Variants in POTEH observed in about 807,000 individuals in gnomAD.
POTEH encodes POTE ankyrin domain family member H.
Under a neutral mutation model 41.7 loss-of-function variants are expected in POTEH, and 6 were observed. The ratio of observed to expected loss-of-function variants is 0.14; its 90% CI spans 0.08 to 0.28. The LOEUF (loss-of-function observed/expected upper bound fraction) is 0.28, where lower values mean the gene tolerates loss of function less well. Among genes scored for constraint, POTEH ranks in the 10% least tolerant of loss-of-function variants. POTEH has a pLI of 1.00. For synonymous variants in POTEH, 38 were observed against 179.9 expected, an observed-to-expected ratio of 0.21 and a Z score of 6.31; for missense variants, 115 against 533.5, an observed-to-expected ratio of 0.22 and a Z score of 7.73.
At chr22:15,697,920 G>A (rs1427917338) in intron 3 of POTEH, among the ~76,000 whole-genome samples, 4 of 149,128 alleles carry the variant, frequency 2.7e-5, no homozygotes, top group African/African-American at 1.0e-4. Context: ...TTGGAATTAA[G>A]CAAATTCTAA....
At chr22:15,697,185 C>T (rs1989449205) in intron 3 of POTEH, among the ~76,000 whole-genome samples, 1 of 145,166 alleles carries the variant, frequency 6.9e-6, no homozygotes, top group Non-Finnish European at 1.5e-5. Context: ...ACAATAACAA[C>T]AGCAACAATT....
intron 9 of POTEH, among the ~76,000 whole-genome samples, chr22:15,713,246 A>G (rs2123845626): frequency 8.7e-5 from 1 of 11,558 alleles, no homozygotes; most frequent in Non-Finnish European, 3.5e-4. Context: ...GGTTATCACT[A>G]CTTTTTTCTG....
At chr22:15,709,358 A>G (rs2845202) in intron 7 of POTEH, among the ~76,000 whole-genome samples, 15 of 133,596 alleles carry the variant, frequency 1.1e-4, no homozygotes, top group African/African-American at 2.3e-4. Context: ...AGTGCACTGT[A>G]GGGGCTCACT....
chr22:15,713,487 A>G (rs1253992398), intron 9 of POTEH, among the ~76,000 whole-genome samples: 8 of 150,708 alleles, frequency 5.3e-5, no homozygotes, highest in African/African-American at 1.7e-4. Context: ...TCAGTCCTCA[A>G]TCTTCTTTCT....
chr22:15,713,398 T>C (rs1333147716), intron 9 of POTEH, among the ~76,000 whole-genome samples: 8 of 152,264 alleles, frequency 5.3e-5, no homozygotes, highest in African/African-American at 1.9e-4. Flanking sequence ...TACTCCTGCC[T>C]TTCTAGTCCA....
intron 9 of POTEH, among the ~76,000 whole-genome samples, chr22:15,713,462 G>A (rs1989861887): frequency 6.6e-6 from 1 of 152,312 alleles, no homozygotes; most frequent in Middle Eastern, 3.4e-3. Context: ...TTTGGACATT[G>A]CTGTTTCTCA....
intron 6 of POTEH, among the ~76,000 whole-genome samples, chr22:15,705,353 CTTTTTT>C (rs377062560): frequency 7.0e-5 from 1 of 14,298 alleles, no homozygotes; most frequent in South Asian, 4.1e-3. Context: ...ATATGTTGGC[CTTTTTT>C]TTTTTTTTTT....
chr22:15,714,419 C>T (rs1164540834), intron 9 of POTEH, among the ~76,000 whole-genome samples: 2 of 152,194 alleles, frequency 1.3e-5, no homozygotes, highest in South Asian at 4.1e-4. Flanking sequence ...GGCAGTCAAC[C>T]ATCTGGCATG....
chr22:15,708,796 T>G (rs1406315438), intron 7 of POTEH, among the ~76,000 whole-genome samples: 5 of 59,762 alleles, frequency 8.4e-5, no homozygotes, highest in African/African-American at 3.7e-4. Flanking sequence ...TGATGAAGAA[T>G]GTAACATCAA....
intron 1 of POTEH, among the ~76,000 whole-genome samples, chr22:15,691,149 C>T (rs1210304064): frequency 9.3e-5 from 13 of 139,160 alleles, no homozygotes; most frequent in African/African-American, 2.1e-4. Flanking sequence ...TAAATATGTT[C>T]TTTACTGAGT....
rs1398011665 is a variant in POTEH at position 15,690,544 on chromosome 22, C to T, written c.467C>T (p.Pro156Leu). The T allele has an allele frequency of 7.0e-7, 1 of 1,423,820 alleles. No individual in the cohort carries two copies. The highest frequency in any genetic ancestry group is 2.3e-5 in the East Asian group (1 of 43,680). 88.2% of individuals were successfully genotyped at this position (1,423,820 alleles called of 1,614,324 possible). ...GGGAGCGGCAAGAACAAAGTGGGCCCTTGGGGAGACTACGACGACAGCGCT... is the reference window on the plus strand; with the variant it reads ...GGGAGCGGCAAGAACAAAGTGGGCCTTTGGGGAGACTACGACGACAGCGCT... ...CRGSGKNKVG[P>L]WGDYDDSAFM... is the part of the protein sequence containing the mutation. The change falls in exon 1 of 11, where the codon CCT (proline) becomes CTT (leucine). Residue 156 changes from proline to leucine, a missense_variant. Physicochemically the swap from Pro to Leu is moderately conservative, Grantham distance 98 (BLOSUM62 -3). Coordinates refer to ENST00000343518, the MANE Select transcript of POTEH (RefSeq NM_001136213.1).
chr22:15,717,265 C>T lies in POTEH; in HGVS notation c.1521-2395C>T, dbSNP rs1391971524. Among the ~76,000 whole-genome samples, 22 of 91,056 alleles carry T rather than the reference C, an allele frequency of 2.4e-4. 10 individuals are homozygous for T. The highest frequency in any genetic ancestry group is 5.3e-4 in the Non-Finnish European group (22 of 41,212). 59.7% of individuals were successfully genotyped at this position (91,056 alleles called of 152,430 possible). A position where few individuals can be genotyped will look rare whatever the true frequency, so the allele number is the denominator to read the frequency against. ...TTGTGCTGCAGTAAACATATGTGTG[C>T]GGGTGTCTTTGTGAGAGTACGATTT... On this transcript the variant is annotated intron_variant, in intron 9 of 10. Transcript: ENST00000343518.
intron 3 of POTEH, among the ~76,000 whole-genome samples, chr22:15,696,916 T>C (rs1291398252): frequency 6.9e-6 from 1 of 145,208 alleles, no homozygotes; most frequent in African/African-American, 2.6e-5. Flanking sequence ...AGCTTTCAGC[T>C]AGAATTGTGC....
intron 3 of POTEH, among the ~76,000 whole-genome samples, chr22:15,697,932 CTG>C (rs1263407464): frequency 6.7e-6 from 1 of 149,392 alleles, no homozygotes; most frequent in African/African-American, 2.5e-5. Flanking sequence ...AAATTCTAAA[CTG>C]TTTTTTATCA....
chr22:15,691,521 G>T (rs141944226), intron 1 of POTEH, among the ~76,000 whole-genome samples: 11 of 90,398 alleles, frequency 1.2e-4, no homozygotes, highest in African/African-American at 2.9e-4. Flanking sequence ...GCAAGACTCC[G>T]TCTCAAAAAA....
intron 1 of POTEH, among the ~76,000 whole-genome samples, chr22:15,691,607 T>C (rs1401942932): frequency 2.1e-5 from 3 of 145,690 alleles, no homozygotes; most frequent in Non-Finnish European, 4.6e-5. Context: ...TTTAGAGTTT[T>C]TAAATTACAC....
chr22:15,692,007 T>A (rs75230056), intron 1 of POTEH, among the ~76,000 whole-genome samples: 38,682 of 118,226 alleles, frequency 0.33, 3,763 homozygotes, highest in African/African-American at 0.38. Context: ...TATATATATA[T>A]AAATTTCTTT....
At chr22:15,712,751 G>C (rs1236149148) in intron 9 of POTEH, among the ~76,000 whole-genome samples, 1 of 112,306 alleles carries the variant, frequency 8.9e-6, no homozygotes, top group African/African-American at 3.5e-5. Context: ...ATAGAACTCA[G>C]TATTTTACTG....
chr22:15,713,347 C>T (rs1247832739), intron 9 of POTEH, among the ~76,000 whole-genome samples: 65 of 152,254 alleles, frequency 4.3e-4, no homozygotes, highest in African/African-American at 1.5e-3. Flanking sequence ...TCCCTAACGG[C>T]GTCTTCACTT....
Sources: gnomAD v4.1 joint callset for allele counts (sites outside exome capture counted in the v4.1 genomes callset) on GRCh38, gnomAD v4.1.1 for gene constraint, MANE v1.5 for transcripts, NCBI Gene and HGNC (gene_info 2026-07-23, HGNC 2026-07-21) for gene names.